Variants in AKAP13 observed in about 807,000 individuals in gnomAD.
The protein encoded by AKAP13 is A-kinase anchoring protein 13.
In AKAP13, 80 loss-of-function variants were observed where a neutral mutation model predicts 264.5. That is an observed-to-expected ratio of 0.30 (90% CI 0.25 to 0.36). AKAP13 has a LOEUF of 0.36. Among genes scored for constraint, AKAP13 ranks in the 10% least tolerant of loss-of-function variants. AKAP13 has a pLI of 1.00. For synonymous variants in AKAP13, 1,380 were observed against 1,250.2 expected (o/e 1.10, Z -2.19); for missense variants, 3,712 against 3,435.2 (o/e 1.08, Z -2.01).
intron 2 of AKAP13, among the ~76,000 whole-genome samples, chr15:85,505,303 G>T (rs568449791): frequency 3.3e-5 from 5 of 152,326 alleles, no homozygotes; most frequent in Admixed American, 6.5e-5. Context: ...AATAGGTGGT[G>T]CCTGGACATC....
intron 12 of AKAP13, among the ~76,000 whole-genome samples, chr15:85,660,062 T>C (rs1273555398): frequency 6.6e-6 from 1 of 152,104 alleles, no homozygotes; most frequent in African/African-American, 2.4e-5. Flanking sequence ...AGAAAAGCTG[T>C]TATATCTTGG....
chr15:85,689,969 G>A (rs1474471629), intron 16 of AKAP13: 1 of 152,198 alleles, frequency 6.6e-6, no homozygotes, highest in African/African-American at 2.4e-5. Context: ...GCTGAGCTCT[G>A]CCCTGACGGC....
At chr15:85,569,965 T>C (rs1241286415) in intron 5 of AKAP13, among the ~76,000 whole-genome samples, 1 of 150,728 alleles carries the variant, frequency 6.6e-6, no homozygotes, top group Non-Finnish European at 1.5e-5. Context: ...TAGTCCCAGC[T>C]ACTTGGGAGG....
In AKAP13 at chr15:85,619,799, G is replaced by T. The variant is rs561655442; in HGVS notation, c.4162-19575G>T. On this transcript the variant is annotated intron_variant, in intron 8 of 36. Coordinates refer to ENST00000394518, the MANE Select transcript of AKAP13 (RefSeq NM_007200.5). Reference sequence around the variant, plus strand: ...CTCTTTCAGTCAAGATCTGCACAAAGTATAGCATTAGGTGGTATTTATTGT... The same window carrying T: ...CTCTTTCAGTCAAGATCTGCACAAATTATAGCATTAGGTGGTATTTATTGT... 99 of 1,158,068 alleles carry T rather than the reference G, an allele frequency of 8.5e-5. No homozygotes were observed. The East Asian group carries it at 2.1e-3, about 24-fold the overall frequency. 71.7% of individuals were successfully genotyped at this position (1,158,068 alleles called of 1,614,324 possible).
chr15:85,721,106 CT>C, intron 23 of AKAP13, among the ~76,000 whole-genome samples: 1 of 152,296 alleles, frequency 6.6e-6, no homozygotes, highest in Non-Finnish European at 1.5e-5. Context: ...CAAACTTTGA[CT>C]TGTATTACCA....
chr15:85,741,030 T>A lies in AKAP13; in HGVS notation c.7609-16T>A, dbSNP rs1384768393. ...CCTGGCCAGAGTTGCAGGGCTCCCCTCTGTGTGCCTCCCAGGGTGTGGTGC... is the reference window on the plus strand; with the variant it reads ...CCTGGCCAGAGTTGCAGGGCTCCCCACTGTGTGCCTCCCAGGGTGTGGTGC... On this transcript the variant is annotated splice_polypyrimidine_tract_variant and intron_variant, in intron 34 of 36. Transcript: ENST00000394518. 19 of 1,591,740 alleles carry A rather than the reference T, an allele frequency of 1.2e-5. No homozygotes were observed. Among genetic ancestry groups the A allele is most frequent in the Non-Finnish European group, 1.6e-5 (19 of 1,167,568 alleles).
intron 8 of AKAP13, among the ~76,000 whole-genome samples, chr15:85,593,640 A>C (rs963439983): frequency 6.6e-6 from 1 of 151,812 alleles, no homozygotes; most frequent in African/African-American, 2.4e-5. Context: ...AAAATCAATT[A>C]TATTAGAATC....
chr15:85,523,864 G>C (rs2076922856), intron 3 of AKAP13, among the ~76,000 whole-genome samples: 2 of 144,334 alleles, frequency 1.4e-5, no homozygotes, highest in South Asian at 4.3e-4. Context: ...TTCTTGAGTT[G>C]CATTTTTAGC....
intron 1 of AKAP13, among the ~76,000 whole-genome samples, chr15:85,392,815 G>C (rs1019840785): frequency 6.6e-6 from 1 of 152,206 alleles, no homozygotes; most frequent in Non-Finnish European, 1.5e-5. Flanking sequence ...ACTTTATGTT[G>C]CACTGTGGTG....
In AKAP13 at chr15:85,747,703, A is replaced by C. The variant is rs1476123315; in HGVS notation, c.*3026A>C. The stretch of plus-strand genomic sequence containing the variant: ...TGTGTTTTCTTCTTAGAAAATGGAG[A>C]GGGTTAAAAACATGCAAACTGCCAC... On this transcript the variant is annotated 3_prime_UTR_variant, in exon 37 of 37. Coordinates refer to ENST00000394518, the MANE Select transcript of AKAP13 (RefSeq NM_007200.5). 6.6e-6 allele frequency: 1 copy of C among 152,604 alleles called. No individual in the cohort carries two copies. The highest frequency in any genetic ancestry group is 1.5e-5 in the Non-Finnish European group (1 of 68,024). The allele number at this position is 152,604 out of a possible 1,614,324, so 9.5% of individuals were successfully genotyped here.
intron 1 of AKAP13, among the ~76,000 whole-genome samples, chr15:85,452,432 C>A (rs962406074): frequency 6.6e-6 from 1 of 152,168 alleles, no homozygotes; most frequent in Non-Finnish European, 1.5e-5. Context: ...ATTTGAAGGA[C>A]ATATGACACT....
chr15:85,406,257 C>G (rs2071656335), intron 1 of AKAP13, among the ~76,000 whole-genome samples: 1 of 152,174 alleles, frequency 6.6e-6, no homozygotes, highest in South Asian at 2.1e-4. Flanking sequence ...TCCATTGTGC[C>G]TGTAAGTGTG....
intron 2 of AKAP13, among the ~76,000 whole-genome samples, chr15:85,502,000 G>A (rs1166044823): frequency 6.6e-6 from 1 of 152,212 alleles, no homozygotes; most frequent in Non-Finnish European, 1.5e-5. Context: ...GCATGGTGCT[G>A]TGGGGTCACT....
chr15:85,474,511 C>T (rs1001214523), intron 1 of AKAP13, among the ~76,000 whole-genome samples: 26 of 152,336 alleles, frequency 1.7e-4, no homozygotes, highest in Admixed American at 1.2e-3. Context: ...AGGGATTACT[C>T]ATGTCAGGAA....
chr15:85,544,471 T>A (rs1248013324), intron 5 of AKAP13, among the ~76,000 whole-genome samples: 2 of 152,212 alleles, frequency 1.3e-5, no homozygotes, highest in Non-Finnish European at 2.9e-5. Context: ...AGAGCAGTGG[T>A]TTCTTCATAT....
intron 4 of AKAP13, chr15:85,534,919 A>T (rs980311710): frequency 1.3e-5 from 2 of 152,206 alleles, no homozygotes; most frequent in Admixed American, 6.5e-5. Context: ...TTCTGAGTTC[A>T]AGTCCAATTG....
intron 1 of AKAP13, chr15:85,415,207 C>G (rs11638454): frequency 0.32 from 481,836 of 1,495,702 alleles, 85,744 homozygotes; most frequent in Non-Finnish European, 0.37. Flanking sequence ...GCTCTGCACG[C>G]CAGCTCGCCC....
chr15:85,648,151 T>A (rs2082643654), intron 10 of AKAP13, among the ~76,000 whole-genome samples: 1 of 152,222 alleles, frequency 6.6e-6, no homozygotes, highest in East Asian at 1.9e-4. Context: ...AAAAACATAC[T>A]GAGATAAACA....
intron 8 of AKAP13, among the ~76,000 whole-genome samples, chr15:85,586,169 TTTTTTCTTTCCTTC>T: frequency 6.6e-6 from 1 of 152,232 alleles, no homozygotes; most frequent in South Asian, 2.1e-4. Flanking sequence ...TTTTCTTTCT[TTTTTTCTTTCCTTC>T]TTTTTCTTTT....
Sources: allele counts gnomAD v4.1 joint callset (sites outside exome capture counted in the v4.1 genomes callset), GRCh38; gene constraint gnomAD v4.1.1; transcripts MANE v1.5; gene names NCBI Gene and HGNC (gene_info 2026-07-23, HGNC 2026-07-21).